Variants in CFAP58 observed in about 807,000 individuals in gnomAD.
CFAP58 encodes the protein cilia- and flagella-associated protein 58.
In CFAP58, 88 loss-of-function variants were observed where a neutral mutation model predicts 119.5. That is an observed-to-expected ratio of 0.74 (90% CI 0.62 to 0.88). The LOEUF (loss-of-function observed/expected upper bound fraction) is 0.88, where lower values mean the gene tolerates loss of function less well. Among genes scored for constraint, CFAP58 ranks in the 40% least tolerant of loss-of-function variants. The probability of loss-of-function intolerance (pLI) is 0.00; values close to 1 mark genes in which losing one functional copy is unlikely to be tolerated. For synonymous variants in CFAP58, 365 were observed against 366.3 expected (o/e 1.00, Z 0.04); for missense variants, 990 against 1,021.2 (o/e 0.97, Z 0.42).
intron 11 of CFAP58, among the ~76,000 whole-genome samples, chr10:104,396,266 C>G (rs1262854212): frequency 6.6e-6 from 1 of 151,902 alleles, no homozygotes; most frequent in East Asian, 1.9e-4. Flanking sequence ...AGCAAATTCT[C>G]TGTGTCTAGA....
At chr10:104,391,343 C>G (rs2012036148) in intron 9 of CFAP58, among the ~76,000 whole-genome samples, 1 of 152,122 alleles carries the variant, frequency 6.6e-6, no homozygotes, top group Non-Finnish European at 1.5e-5. Context: ...TCACATTGCT[C>G]TGTGTCCTCC....
At chr10:104,453,554 C>T (rs1411390343) in intron 17 of CFAP58, among the ~76,000 whole-genome samples, 1 of 152,226 alleles carries the variant, frequency 6.6e-6, no homozygotes, top group East Asian at 1.9e-4. Context: ...GGCTGATCTA[C>T]AGTCTGCAGT....
intron 9 of CFAP58, among the ~76,000 whole-genome samples, chr10:104,381,172 AACAG>A (rs2011793292): frequency 6.6e-6 from 1 of 151,164 alleles, no homozygotes; most frequent in Non-Finnish European, 1.5e-5. Flanking sequence ...CAAACAAACA[AACAG>A]ACAAACAAAC....
chr10:104,422,641 C>T (rs1045078481), intron 15 of CFAP58, among the ~76,000 whole-genome samples: 1 of 152,104 alleles, frequency 6.6e-6, no homozygotes, highest in South Asian at 2.1e-4. Context: ...TGGCAGTTGG[C>T]GAGAGGGAAG....
intron 15 of CFAP58, among the ~76,000 whole-genome samples, chr10:104,445,868 G>A (rs1280835354): frequency 6.6e-6 from 1 of 152,178 alleles, no homozygotes; most frequent in Admixed American, 6.5e-5. Flanking sequence ...AGTAATTGAA[G>A]AGAATTACAC....
intron 15 of CFAP58, among the ~76,000 whole-genome samples, chr10:104,412,654 T>C (rs1038435647): frequency 2.0e-5 from 3 of 152,196 alleles, no homozygotes; most frequent in African/African-American, 7.2e-5. Flanking sequence ...TCACAGCAAT[T>C]TTTAAATAAC....
intron 7 of CFAP58, among the ~76,000 whole-genome samples, chr10:104,372,491 T>C (rs929055247): frequency 1.3e-5 from 2 of 152,242 alleles, no homozygotes; most frequent in Non-Finnish European, 2.9e-5. Context: ...AGTTTCTCTG[T>C]TCATGCATTC....
intron 9 of CFAP58, among the ~76,000 whole-genome samples, chr10:104,381,459 G>C (rs767596504): frequency 6.6e-6 from 1 of 152,104 alleles, no homozygotes; most frequent in Non-Finnish European, 1.5e-5. Flanking sequence ...TTTTAGTTAC[G>C]AGGCTGATAA....
intron 1 of CFAP58, 90 bp downstream of exon 1, chr10:104,353,996 A>T: frequency 6.7e-7 from 1 of 1,491,668 alleles, no homozygotes; most frequent in Non-Finnish European, 9.3e-7. Context: ...GGTGATTCCA[A>T]TATTTCCCCC....
chr10:104,349,720 C>G (rs1341038545), upstream of CFAP58, among the ~76,000 whole-genome samples: 4 of 152,106 alleles, frequency 2.6e-5, no homozygotes, highest in African/African-American at 9.7e-5. Context: ...CATGACTAGG[C>G]CATTAGTTAC....
intron 15 of CFAP58, among the ~76,000 whole-genome samples, chr10:104,437,308 A>G (rs538287944): frequency 6.6e-6 from 1 of 152,328 alleles, no homozygotes; most frequent in South Asian, 2.1e-4. Context: ...TTTTAGTCCA[A>G]TTCTCTCAAA....
Position 104,376,072 on chromosome 10 carries a change from T to C in CFAP58, c.1091-739T>C, listed in dbSNP as rs999020453. ...GAAAACAAAGGGAAAAGGGGATTCT[T>C]TATAGAATGTGGATTTTTCCCACAA... On this transcript the variant is annotated intron_variant, in intron 7 of 17. Coordinates refer to ENST00000369704, the MANE Select transcript of CFAP58 (RefSeq NM_001008723.2). Among the ~76,000 whole-genome samples the C allele has an allele frequency of 4.6e-5, 7 of 152,286 alleles. No homozygotes were observed. The East Asian group carries it at 7.7e-4, about 17-fold the overall frequency.
intron 5 of CFAP58, among the ~76,000 whole-genome samples, chr10:104,366,950 C>A (rs1244771604): frequency 2.0e-5 from 3 of 152,088 alleles, no homozygotes; most frequent in Admixed American, 2.0e-4. Flanking sequence ...TCACTGCAAC[C>A]TCCACCTCCT....
intron 9 of CFAP58, chr10:104,382,092 G>T: frequency 2.8e-6 from 2 of 717,424 alleles, no homozygotes. Flanking sequence ...TTGCAGGTCA[G>T]CTGCATCCCT....
intron 15 of CFAP58, among the ~76,000 whole-genome samples, chr10:104,439,906 G>A (rs976498857): frequency 6.6e-6 from 1 of 152,090 alleles, no homozygotes; most frequent in African/African-American, 2.4e-5. Context: ...TGCAAGCTCC[G>A]CCTTCCGGGT....
chr10:104,422,593 A>G (rs761699081), intron 15 of CFAP58, among the ~76,000 whole-genome samples: 1 of 152,096 alleles, frequency 6.6e-6, no homozygotes, highest in Non-Finnish European at 1.5e-5. Context: ...AAGCTGGTTC[A>G]TTTGGGTGGG....
chr10:104,357,620 A>G (rs1458399899), intron 1 of CFAP58, among the ~76,000 whole-genome samples: 1 of 152,162 alleles, frequency 6.6e-6, no homozygotes. Context: ...GCATTTGGCT[A>G]AATGTTTAAC....
In CFAP58 at chr10:104,363,688, G is replaced by A. The variant is rs1480201137; in HGVS notation, c.441-1045G>A. Among the ~76,000 whole-genome samples, 5 of 152,286 alleles carry A rather than the reference G, an allele frequency of 3.3e-5. No individual in the cohort carries two copies. The East Asian group carries it at 9.6e-4, about 29-fold the overall frequency. ...ACTTTCTGTCTTCATAGTAACCTTCGAATTTGAGGTTTTATTTCTGGAGTA... is the reference window on the plus strand; with the variant it reads ...ACTTTCTGTCTTCATAGTAACCTTCAAATTTGAGGTTTTATTTCTGGAGTA... On this transcript the variant is annotated intron_variant, in intron 3 of 17. Transcript: ENST00000369704.
rs2012264420 is a variant in CFAP58, at chr10:104,401,501, C to G, written c.2039+598C>G. Among the ~76,000 whole-genome samples, 3 of 152,310 alleles carry G rather than the reference C, an allele frequency of 2.0e-5. No individual in the cohort carries two copies. In the South Asian group the frequency reaches 6.2e-4, roughly 32 times the overall value. Reference sequence around the variant, plus strand: ...CTTGCATTACACAAGATCTACTTTCCCTTTGGGAAAACGTCACCATGTTTT... The same window carrying G: ...CTTGCATTACACAAGATCTACTTTCGCTTTGGGAAAACGTCACCATGTTTT... On this transcript the variant is annotated intron_variant, in intron 13 of 17. Coordinates refer to ENST00000369704, the MANE Select transcript of CFAP58 (RefSeq NM_001008723.2).
Sources: allele counts gnomAD v4.1 joint callset (sites outside exome capture counted in the v4.1 genomes callset), GRCh38; gene constraint gnomAD v4.1.1; transcripts MANE v1.5; gene names NCBI Gene and HGNC (gene_info 2026-07-23, HGNC 2026-07-21).